The following TATDN2 variants were observed in gnomAD, a reference collection of about 807,000 sequenced individuals.
TATDN2 encodes the protein 3'-5' RNA nuclease TATDN2.
TATDN2 carries 44 observed loss-of-function variants against 60.3 expected under a neutral mutation model. The ratio of observed to expected loss-of-function variants is 0.73; its 90% confidence interval spans 0.57 to 0.94. The LOEUF (loss-of-function observed/expected upper bound fraction) is 0.94, where lower values mean the gene tolerates loss of function less well. Ranked by LOEUF, TATDN2 falls within the 40% of genes least tolerant of loss-of-function variation. The pLI, the probability that TATDN2 is intolerant of heterozygous loss-of-function variation, is 0.00. For missense variants in TATDN2, 997 were observed against 948.0 expected, an observed-to-expected ratio of 1.05 and a Z score of -0.68; for synonymous variants, 399 against 355.8, an observed-to-expected ratio of 1.12 and a Z score of -1.37.
rs1316137159 is a variant in TATDN2, at chr3:10,280,246, C to G, written c.*1064C>G. ...TGTCTGCAAATGTACCAGTCCTTCT[C>G]CCGCATCTCCTGGGTGCCCCCTTGG... On this transcript the variant is annotated 3_prime_UTR_variant, in exon 8 of 8. Coordinates refer to ENST00000448281, the MANE Select transcript of TATDN2 (RefSeq NM_014760.4). The G allele has an allele frequency of 1.3e-5, 2 of 153,868 alleles. No individual in the cohort carries two copies. Among genetic ancestry groups the G allele is most frequent in the African/African-American group, 4.8e-5 (2 of 41,448 alleles). The allele number at this position is 153,868 out of a possible 1,614,324, so 9.5% of individuals were successfully genotyped here. A position where few individuals can be genotyped will look rare whatever the true frequency, so the allele number is the denominator to read the frequency against.
At chr3:10,258,840 C>T (rs1197720991) in intron 2 of TATDN2, among the ~76,000 whole-genome samples, 1 of 151,498 alleles carries the variant, frequency 6.6e-6, no homozygotes, top group Non-Finnish European at 1.5e-5. Context: ...GCTTTTTAGA[C>T]TTGTTTGCGA....
Position 10,270,224 on chromosome 3 carries a change from G to A in TATDN2, c.1042G>A (p.Glu348Lys). ...EISTVRFSQEEPVSLKPSAVP... is the reference protein window; with the variant it reads ...EISTVRFSQEKPVSLKPSAVP... ...CTCCACAGTCAGATTCTCTCAGGAG[G>A]AACCTGTCTCCCTGAAACCTTCAGC... The change falls in exon 4 of 8, where the codon GAA becomes AAA. Residue 348 changes from glutamate (E) to lysine (K), a missense_variant. Coordinates refer to ENST00000448281, the MANE Select transcript of TATDN2 (RefSeq NM_014760.4). 6.2e-7 allele frequency: 1 copy of A among 1,614,166 alleles called. No individual in the cohort carries two copies. The highest frequency in any genetic ancestry group is 8.5e-7 in the Non-Finnish European group (1 of 1,180,036).
At chr3:10,269,756 G>A (rs189382535) in intron 3 of TATDN2, among the ~76,000 whole-genome samples, 55 of 152,148 alleles carry the variant, frequency 3.6e-4, no homozygotes, top group Middle Eastern at 3.4e-3. Context: ...ATATATTGAC[G>A]ACAGTGTCAG....
chr3:10,273,598 T>TAA (rs35623374), intron 4 of TATDN2, among the ~76,000 whole-genome samples: 1 of 147,568 alleles, frequency 6.8e-6, no homozygotes. Context: ...TTTATTACAT[T>TAA]AAAAAAAAAA....
In TATDN2 at chr3:10,260,372, A is replaced by G. The variant is rs2241314; in HGVS notation, c.650A>G (p.His217Arg). ...ATRAKPSAAE[H>R]PSHGEGPARS... ...CGGGCAAAACCAAGCGCAGCAGAGC[A>G]TCCCAGCCATGGAGAAGGACCAGCC... The change falls in exon 3 of 8, where the codon CAT becomes CGT. Residue 217 changes from histidine to arginine, a missense_variant. His to Arg is a conservative substitution (Grantham distance 29, BLOSUM62 0). Transcript: ENST00000448281. 257,520 of 1,613,822 alleles carry G rather than the reference A, an allele frequency of 0.16. 33,721 individuals carry two copies. The highest frequency in any genetic ancestry group is 0.68 in the East Asian group (30,485 of 44,808).
intron 4 of TATDN2, among the ~76,000 whole-genome samples, chr3:10,274,734 G>A (rs1041487352): frequency 2.0e-5 from 3 of 152,104 alleles, no homozygotes; most frequent in African/African-American, 4.8e-5. Flanking sequence ...GATGTCTGTG[G>A]TCATTTTCCT....
intron 4 of TATDN2, among the ~76,000 whole-genome samples, chr3:10,275,560 C>T (rs973054029): frequency 1.3e-5 from 2 of 152,088 alleles, no homozygotes; most frequent in African/African-American, 4.8e-5. Context: ...GCCTGACCAA[C>T]ATGGCGAAAC....
chr3:10,249,769 C>T (rs1013726244), intron 2 of TATDN2, among the ~76,000 whole-genome samples, 155 bp downstream of exon 2: 3 of 152,194 alleles, frequency 2.0e-5, no homozygotes, highest in Admixed American at 2.0e-4. Context: ...AACTCGAAGA[C>T]CTAGCAGTCT....
Position 10,278,314 on chromosome 3 carries a change from C to A in TATDN2, c.1997C>A (p.Pro666His). 1.9e-6 allele frequency: 3 copies of A among 1,614,134 alleles called. No individual in the cohort carries two copies. Among genetic ancestry groups the A allele is most frequent in the Admixed American group, 1.7e-5 (1 of 60,020 alleles). ...CFTGSYPVIEPLLKYFPNMSV... is the reference protein window; with the variant it reads ...CFTGSYPVIEHLLKYFPNMSV... Reference sequence around the variant, plus strand: ...ACCGGCAGCTACCCGGTCATTGAGCCCCTGCTGAAGTACTTTCCCAACATG... The same window carrying A: ...ACCGGCAGCTACCCGGTCATTGAGCACCTGCTGAAGTACTTTCCCAACATG... The change falls in exon 6 of 8, where the codon CCC becomes CAC. Residue 666 changes from proline (P) to histidine (H), a missense_variant. Physicochemically the swap from Pro to His is moderately conservative, Grantham distance 77. Transcript: ENST00000448281. The surrounding 1 kb of genome is among the most constrained non-coding windows in gnomAD (Gnocchi z 4.7).
intron 2 of TATDN2, among the ~76,000 whole-genome samples, chr3:10,257,459 C>T (rs1038435809): frequency 6.0e-5 from 9 of 150,046 alleles, no homozygotes; most frequent in African/African-American, 1.5e-4. Flanking sequence ...GGCGAAACCC[C>T]GTCTACTAAA....
intron 4 of TATDN2, among the ~76,000 whole-genome samples, chr3:10,273,807 A>T (rs1217110604): frequency 6.6e-6 from 1 of 152,128 alleles, no homozygotes; most frequent in African/African-American, 2.4e-5. Flanking sequence ...TTCTTTGTTG[A>T]TCTGTGGTGT....
At chr3:10,257,597 C>CAAAAAAAAAAA (rs1196293139) in intron 2 of TATDN2, among the ~76,000 whole-genome samples, 3 of 69,196 alleles carry the variant, frequency 4.3e-5, no homozygotes, top group Non-Finnish European at 6.6e-5. Context: ...CCACTGTCTC[C>CAAAAAAAAAAA]AAAAAAAAAA....
At chr3:10,261,025 AC>A (rs1698394351) in intron 3 of TATDN2, among the ~76,000 whole-genome samples, 1 of 152,084 alleles carries the variant, frequency 6.6e-6, no homozygotes, top group African/African-American at 2.4e-5. Flanking sequence ...ATTCTCTATC[AC>A]CCCTCAACAC....
intron 5 of TATDN2, among the ~76,000 whole-genome samples, chr3:10,277,510 G>T (rs1161659741): frequency 6.6e-6 from 1 of 152,186 alleles, no homozygotes; most frequent in Non-Finnish European, 1.5e-5. Flanking sequence ...GTTGAGAGGG[G>T]TTGGCTGAAT....
In TATDN2 at chr3:10,267,540, G is replaced by C. The variant is rs1007072520; in HGVS notation, c.949-2591G>C. On this transcript the variant is annotated intron_variant, in intron 3 of 7. Coordinates refer to ENST00000448281, the MANE Select transcript of TATDN2 (RefSeq NM_014760.4). ...ATTTTTAAATGTGTCAAGTCTCTTCGTCTCTATAGATTCATCCTTTTCTCC... is the reference window on the plus strand; with the variant it reads ...ATTTTTAAATGTGTCAAGTCTCTTCCTCTCTATAGATTCATCCTTTTCTCC... Among the ~76,000 whole-genome samples, 5 of 152,172 alleles carry C rather than the reference G, an allele frequency of 3.3e-5. 1 individual carries two copies. Among genetic ancestry groups the C allele is most frequent in the Admixed American group, 3.3e-4 (5 of 15,278 alleles).
At position 10,271,008 on chromosome 3, in the gene TATDN2, A is replaced by C; in HGVS notation, c.1826A>C (p.Gln609Pro). ...AAGTGCACCACGCCTGTCCCAGAACAGCACAAGGTAACAAGGCTCTCTTTA... is the reference window on the plus strand; with the variant it reads ...AAGTGCACCACGCCTGTCCCAGAACCGCACAAGGTAACAAGGCTCTCTTTA... ...SYKCTTPVPE[Q>P]HKVFERQLQL... Residue 609 changes from glutamine to proline, a missense_variant, in exon 4 of 8, where the codon CAG (glutamine) becomes CCG (proline). Gln to Pro is a moderately conservative substitution (Grantham distance 76, BLOSUM62 -1). Coordinates refer to ENST00000448281, the MANE Select transcript of TATDN2 (RefSeq NM_014760.4). 1 of 1,563,812 alleles carries C rather than the reference A, an allele frequency of 6.4e-7. No individual in the cohort carries two copies. Among genetic ancestry groups the C allele is most frequent in the Non-Finnish European group, 8.6e-7 (1 of 1,159,846 alleles).
chr3:10,260,364 A>G lies in TATDN2; in HGVS notation c.642A>G (p.Ala214=). The G allele has an allele frequency of 1.9e-6, 3 of 1,614,216 alleles. No homozygotes were observed. The highest frequency in any genetic ancestry group is 1.7e-6 in the Non-Finnish European group (2 of 1,180,032). ...GEAATRAKPS[A]AEHPSHGEGP... ...CTGCCACTCGGGCAAAACCAAGCGC[A>G]GCAGAGCATCCCAGCCATGGAGAAG... Residue 214 remains alanine, a synonymous_variant, in exon 3 of 8, where the codon GCA becomes GCG. Coordinates refer to ENST00000448281, the MANE Select transcript of TATDN2 (RefSeq NM_014760.4).
In TATDN2 at chr3:10,270,586, G is replaced by A. The variant is rs181561058; in HGVS notation, c.1404G>A (p.Glu468=). The A allele has an allele frequency of 1.3e-5, 21 of 1,614,238 alleles. No individual in the cohort carries two copies. The African/African-American group carries it at 1.5e-4, about 11-fold the overall frequency. ...AGGAGAAAAGAACATTCCAAGAGGA[G>A]ATGCCTCCGCGTCCTTGTGGAGGAC... ...EVKEKRTFQE[E]MPPRPCGGHA... is the part of the protein sequence containing the mutation. Residue 468 remains glutamate (E), a synonymous_variant, in exon 4 of 8, where the codon GAG becomes GAA. Transcript: ENST00000448281.
Position 10,278,781 on chromosome 3 carries a change from C to A in TATDN2, c.2146-104C>A. On this transcript the variant is annotated intron_variant, in intron 6 of 7. Coordinates refer to ENST00000448281, the MANE Select transcript of TATDN2 (RefSeq NM_014760.4). The surrounding 1 kb of genome is among the most constrained non-coding windows in gnomAD (Gnocchi z 4.7). ...TGCAGGTAAAGGGGTCTCTACAGGG[C>A]AGCCCCAAAGAGGTCCTTGCTGGGG... 1 of 1,558,514 alleles carries A rather than the reference C, an allele frequency of 6.4e-7. No individual in the cohort carries two copies. The highest frequency in any genetic ancestry group is 2.3e-5 in the East Asian group (1 of 44,204).
Sources: gnomAD v4.1 joint callset for allele counts (sites outside exome capture counted in the v4.1 genomes callset) on GRCh38, gnomAD v4.1.1 for gene constraint, Gnocchi (gnomAD v3.1) non-coding constraint, MANE v1.5 for transcripts, NCBI Gene and HGNC (gene_info 2026-07-23, HGNC 2026-07-21) for gene names.